Variants in ROR1 observed in about 807,000 individuals in gnomAD.
The protein encoded by ROR1 is inactive tyrosine-protein kinase transmembrane receptor ROR1.
Under a neutral mutation model 78.8 loss-of-function variants are expected in ROR1, and 19 were observed. The ratio of observed to expected loss-of-function variants is 0.24; its 90% CI spans 0.17 to 0.35. The LOEUF (loss-of-function observed/expected upper bound fraction) is 0.35, where lower values mean the gene tolerates loss of function less well. Among genes scored for constraint, ROR1 ranks in the 10% least tolerant of loss-of-function variants. ROR1 has a pLI of 1.00. For synonymous variants in ROR1, 386 were observed against 433.6 expected (o/e 0.89, Z 1.36); for missense variants, 917 against 1,177.8 (o/e 0.78, Z 3.24).
intron 1 of ROR1, among the ~76,000 whole-genome samples, chr1:63,989,778 T>A (rs907887738): frequency 6.6e-6 from 1 of 152,200 alleles, no homozygotes; most frequent in African/African-American, 2.4e-5. Context: ...AATAGGATAA[T>A]TGGAAATCAC....
chr1:64,104,740 C>T (rs1341928903), intron 4 of ROR1, among the ~76,000 whole-genome samples: 1 of 152,124 alleles, frequency 6.6e-6, no homozygotes, highest in Non-Finnish European at 1.5e-5. Context: ...TGATAGTTTG[C>T]TGAGAATGAT....
chr1:63,857,744 A>C lies in ROR1; in HGVS notation c.91+83236A>C, dbSNP rs1171856650. Among the ~76,000 whole-genome samples, 4 of 152,324 alleles carry C rather than the reference A, an allele frequency of 2.6e-5. No homozygotes were observed. In the East Asian group the frequency reaches 5.8e-4, roughly 22 times the overall value. ...AGTTCATACTATATTTGGATCTTTA[A>C]GAGTCGGTAGAATGAACCATATTTG... On this transcript the variant is annotated intron_variant, in intron 1 of 8. Transcript: ENST00000371079.
chr1:64,110,451 T>C (rs1337895396), intron 4 of ROR1, among the ~76,000 whole-genome samples: 1 of 152,092 alleles, frequency 6.6e-6, no homozygotes, highest in Non-Finnish European at 1.5e-5. Flanking sequence ...CAATTGAACA[T>C]TGAACCCTGA....
At chr1:63,983,190 A>G (rs1451459968) in intron 1 of ROR1, among the ~76,000 whole-genome samples, 1 of 152,176 alleles carries the variant, frequency 6.6e-6, no homozygotes, top group Admixed American at 6.5e-5. Context: ...ACTCTCAGGG[A>G]GAGATTTTCT....
rs368875277 is a variant in ROR1 at position 63,889,641 on chromosome 1, G to A, written c.91+115133G>A. The stretch of plus-strand genomic sequence containing the variant: ...TATATAGTTAGTATGTCCCTGAAGA[G>A]CAGGGCATAAACCAAAGATTTGCAA... On this transcript the variant is annotated intron_variant, in intron 1 of 8. Transcript: ENST00000371079. 1.1e-4 allele frequency among the ~76,000 whole-genome samples: 16 copies of A among 152,270 alleles called. No individual in the cohort carries two copies. In the East Asian group the frequency reaches 1.7e-3, roughly 17 times the overall value.
chr1:64,118,762 A>T (rs1439382786), intron 4 of ROR1, among the ~76,000 whole-genome samples: 1 of 152,026 alleles, frequency 6.6e-6, no homozygotes, highest in Admixed American at 6.6e-5. Flanking sequence ...AACAACACCC[A>T]GTTAACAAGC....
intron 1 of ROR1, among the ~76,000 whole-genome samples, chr1:63,965,171 A>C (rs1569985607): frequency 6.6e-6 from 1 of 152,336 alleles, no homozygotes; most frequent in East Asian, 1.9e-4. Context: ...CAGAGAAGTT[A>C]AGAAATTTGC....
intron 4 of ROR1, among the ~76,000 whole-genome samples, chr1:64,118,081 T>C (rs1026611709): frequency 2.6e-5 from 4 of 152,186 alleles, no homozygotes; most frequent in African/African-American, 7.2e-5. Context: ...GTGGCACTTA[T>C]GGTCCCAGCT....
intron 1 of ROR1, among the ~76,000 whole-genome samples, chr1:63,812,134 G>A (rs1644863714): frequency 6.6e-6 from 1 of 151,988 alleles, no homozygotes. Context: ...CTAATTTTTT[G>A]TATCTTTAGT....
chr1:64,111,021 C>T (rs1648074237), intron 4 of ROR1: 1 of 151,984 alleles, frequency 6.6e-6, no homozygotes, highest in African/African-American at 2.4e-5. Context: ...TACAATGATT[C>T]CATTCAGAAA....
intron 1 of ROR1, among the ~76,000 whole-genome samples, chr1:63,861,280 C>G (rs1465394632): frequency 7.2e-5 from 11 of 152,066 alleles, no homozygotes; most frequent in Non-Finnish European, 1.6e-4. Context: ...ACGTGGCTGC[C>G]AGAACTTTTA....
At chr1:63,984,015 G>A (rs571506680) in intron 1 of ROR1, among the ~76,000 whole-genome samples, 5 of 152,100 alleles carry the variant, frequency 3.3e-5, no homozygotes, top group East Asian at 1.9e-4. Context: ...AACACACCTC[G>A]ACCTGTTTAT....
intron 1 of ROR1, among the ~76,000 whole-genome samples, chr1:63,856,118 T>C (rs1301623504): frequency 1.3e-5 from 2 of 152,188 alleles, no homozygotes; most frequent in African/African-American, 2.4e-5. Flanking sequence ...TATATTTCCC[T>C]GCTTTATGAA....
At chr1:63,946,146 G>A (rs1645887183) in intron 1 of ROR1, among the ~76,000 whole-genome samples, 1 of 152,194 alleles carries the variant, frequency 6.6e-6, no homozygotes, top group South Asian at 2.1e-4. Flanking sequence ...TACTGCTTCT[G>A]TTGGCTGGTG....
intron 1 of ROR1, among the ~76,000 whole-genome samples, chr1:63,997,618 T>A (rs755899772): frequency 6.6e-6 from 1 of 152,144 alleles, no homozygotes; most frequent in Non-Finnish European, 1.5e-5. Flanking sequence ...TTTACAGACA[T>A]ATTATCTGGG....
intron 6 of ROR1, 117 bp downstream of exon 6, chr1:64,140,543 A>T: frequency 1.1e-6 from 1 of 915,522 alleles, no homozygotes; most frequent in Non-Finnish European, 1.7e-6. Context: ...TTATTTTCCA[A>T]TGGGCTGAGT....
chr1:64,136,998 A>G (rs1212418024), intron 4 of ROR1, among the ~76,000 whole-genome samples: 4 of 152,312 alleles, frequency 2.6e-5, no homozygotes, highest in African/African-American at 7.2e-5. Context: ...CAAATGAAGC[A>G]GAAATAATCT....
intron 1 of ROR1, among the ~76,000 whole-genome samples, chr1:63,979,010 G>T (rs959388721): frequency 3.3e-5 from 5 of 152,172 alleles, no homozygotes; most frequent in South Asian, 4.1e-4. Flanking sequence ...TCCCTCTTGC[G>T]CTGGGGAGGT....
chr1:63,904,368 C>T (rs981353962), intron 1 of ROR1, among the ~76,000 whole-genome samples: 2 of 152,136 alleles, frequency 1.3e-5, no homozygotes, highest in Non-Finnish European at 2.9e-5. Flanking sequence ...AGAGCCATGC[C>T]CTTGACTCAC....
Sources: allele counts gnomAD v4.1 joint callset (sites outside exome capture counted in the v4.1 genomes callset), GRCh38; gene constraint gnomAD v4.1.1; transcripts MANE v1.5; gene names NCBI Gene and HGNC (gene_info 2026-07-23, HGNC 2026-07-21).